The following HEATR3 variants were observed in gnomAD, a reference collection of about 807,000 sequenced individuals.
The protein encoded by HEATR3 is HEAT repeat-containing protein 3.
HEATR3 carries 56 observed loss-of-function variants against 72.8 expected under a neutral mutation model. The observed-to-expected ratio is 0.77, with a 90% confidence interval of 0.62 to 0.96. The LOEUF is 0.96. Ranked by LOEUF, HEATR3 falls within the 40% of genes least tolerant of loss-of-function variation. The probability of loss-of-function intolerance (pLI) is 0.00; values close to 1 mark genes in which losing one functional copy is unlikely to be tolerated. For synonymous variants in HEATR3, 331 were observed against 318.1 expected, an observed-to-expected ratio of 1.04 and a Z score of -0.43; for missense variants, 747 against 831.4, an observed-to-expected ratio of 0.90 and a Z score of 1.25.
intron 2 of HEATR3, among the ~76,000 whole-genome samples, chr16:50,067,523 A>G (rs2036524620): frequency 6.6e-6 from 1 of 151,806 alleles, no homozygotes; most frequent in Admixed American, 6.6e-5. Context: ...CAGAGAGGGT[A>G]GGTAGGTGGC....
chr16:50,068,910 C>G, intron 3 of HEATR3, 43 bp downstream of exon 3: 1 of 1,413,760 alleles, frequency 7.1e-7, no homozygotes, highest in Non-Finnish European at 9.9e-7. Flanking sequence ...TTTTGGGATG[C>G]AAACTTAGAC....
At chr16:50,081,544 A>G (rs2036867092) in intron 7 of HEATR3, among the ~76,000 whole-genome samples, 1 of 152,140 alleles carries the variant, frequency 6.6e-6, no homozygotes, top group Non-Finnish European at 1.5e-5. Flanking sequence ...AAAAGAAGAA[A>G]AGGAGAATAA....
intron 7 of HEATR3, among the ~76,000 whole-genome samples, chr16:50,080,658 A>G (rs916686120): frequency 7.9e-5 from 12 of 151,416 alleles, no homozygotes; most frequent in African/African-American, 2.9e-4. Flanking sequence ...TTATTTTATT[A>G]CTATTGGTTT....
chr16:50,073,991 G>A (rs2036668799), intron 5 of HEATR3: 1 of 152,138 alleles, frequency 6.6e-6, no homozygotes, highest in Admixed American at 6.6e-5. Flanking sequence ...CTGTATGGTA[G>A]CAGTCATGGC....
chr16:50,101,990 G>A (rs1331193761), intron 13 of HEATR3, among the ~76,000 whole-genome samples: 1 of 152,046 alleles, frequency 6.6e-6, no homozygotes, highest in South Asian at 2.1e-4. Context: ...TTTTGAGAGA[G>A]GTAGAGGGGA....
chr16:50,097,330 C>T (rs1306466547), intron 12 of HEATR3, among the ~76,000 whole-genome samples: 4 of 84,252 alleles, frequency 4.7e-5, no homozygotes, highest in African/African-American at 2.0e-4. Context: ...TTTTTTTTTA[C>T]ATTTATTAGC....
At position 50,102,526 on chromosome 16, in the gene HEATR3, T is replaced by C. The variant is rs1051013684; in HGVS notation, c.1920+91T>C. On this transcript the variant is annotated intron_variant, in intron 14 of 14. Transcript: ENST00000299192. ...GTTACCGCTGTGCAACTCAGAAGCA[T>C]GTGCATGACGAATCCCCATATGTAG... 1.1e-5 allele frequency: 13 copies of C among 1,143,038 alleles called. No individual in the cohort carries two copies. The African/African-American group carries it at 2.0e-4, about 18-fold the overall frequency. 70.8% of individuals were successfully genotyped at this position (1,143,038 alleles called of 1,614,324 possible).
At chr16:50,086,822 G>T (rs1306428663) in intron 11 of HEATR3, among the ~76,000 whole-genome samples, 1 of 151,996 alleles carries the variant, frequency 6.6e-6, no homozygotes, top group Non-Finnish European at 1.5e-5. Context: ...CCAGCTACTC[G>T]GGAGGCTGAG....
intron 6 of HEATR3, among the ~76,000 whole-genome samples, chr16:50,078,356 C>A (rs7203348): frequency 6.6e-6 from 1 of 152,050 alleles, no homozygotes; most frequent in South Asian, 2.1e-4. Flanking sequence ...GTCAGACCAA[C>A]CTTGGAATTT....
At chr16:50,072,162 A>G (rs1438131429) in intron 4 of HEATR3, among the ~76,000 whole-genome samples, 2 of 152,148 alleles carry the variant, frequency 1.3e-5, no homozygotes, top group East Asian at 1.9e-4. Context: ...ACTTGTTATC[A>G]TTGTGGTATG....
rs780919907 is a variant in HEATR3 at position 50,084,290 on chromosome 16, A to G, written c.1289A>G (p.Lys430Arg). 5.6e-6 allele frequency: 9 copies of G among 1,613,058 alleles called. No individual in the cohort carries two copies. Among genetic ancestry groups the G allele is most frequent in the Middle Eastern group, 1.6e-4 (1 of 6,082 alleles). Residue 430 changes from lysine (K) to arginine (R), a missense_variant and splice_region_variant, in exon 9 of 15, where the codon AAG becomes AGG. This residue lies in a region of HEATR3 where 586 missense variants were observed against 708.8 expected (regional missense o/e 0.83). Coordinates refer to ENST00000299192, the MANE Select transcript of HEATR3 (RefSeq NM_182922.4). The part of the protein sequence containing the change: ...TALTNYLIPK[K>R]IFEKTAFPNS... ...CTCACCAACTACCTCATCCCAAAGA[A>G]GGTAATCCATTTTCATTCTAGGCTT...
rs138435991 is a variant in HEATR3 at position 50,085,977 on chromosome 16, G to A, written c.1374-238G>A. On this transcript the variant is annotated intron_variant, in intron 10 of 14. Coordinates refer to ENST00000299192, the MANE Select transcript of HEATR3 (RefSeq NM_182922.4). ...CAGGAGGTTGAGGCTACAGCGAGCT[G>A]TGATCACACCACTGCACTCCAGCCT... Among the ~76,000 whole-genome samples the A allele has an allele frequency of 7.2e-4, 109 of 151,018 alleles. No individual in the cohort carries two copies. In the East Asian group the frequency reaches 0.021, roughly 29 times the overall value.
chr16:50,105,249 C>T lies in HEATR3; in HGVS notation c.*188C>T, dbSNP rs965570774. On this transcript the variant is annotated 3_prime_UTR_variant, in exon 15 of 15. Transcript: ENST00000299192. ...CTATAATCCCAGCACCTTGGGAGAC[C>T]GAGGCGGGTGGATCACTTGAGGTCA... 1.7e-5 allele frequency: 9 copies of T among 527,624 alleles called. No individual in the cohort carries two copies. Among genetic ancestry groups the T allele is most frequent in the Non-Finnish European group, 2.6e-5 (8 of 312,208 alleles). The allele number at this position is 527,624 out of a possible 1,614,324, so 32.7% of individuals were successfully genotyped here. A position where few individuals can be genotyped will look rare whatever the true frequency, so the allele number is the denominator to read the frequency against.
intron 14 of HEATR3, among the ~76,000 whole-genome samples, chr16:50,103,943 C>T (rs72796173): frequency 0.12 from 18,125 of 152,144 alleles, 1,112 homozygotes; most frequent in African/African-American, 0.15. Context: ...GCAGGAGGAT[C>T]GTGTGAGTGC....
chr16:50,078,192 G>A (rs1002067682), intron 6 of HEATR3, among the ~76,000 whole-genome samples: 7 of 151,972 alleles, frequency 4.6e-5, no homozygotes, highest in African/African-American at 1.4e-4. Context: ...AATGTAATCT[G>A]TTCAAGTCCC....
intron 10 of HEATR3, 25 bp from the exon 11 acceptor site, chr16:50,086,190 T>C (rs779715834): frequency 6.4e-7 from 1 of 1,559,702 alleles, no homozygotes; most frequent in South Asian, 1.2e-5. Flanking sequence ...GAGAATCAGA[T>C]GGCATTGTTT....
Position 50,100,366 on chromosome 16 carries a change from C to T in HEATR3, c.1736C>T (p.Thr579Ile). ...VLAKEDGTLE[T>I]LKNIGCFLLE... is the part of the protein sequence containing the mutation. ...GCCAAAGAAGATGGTACACTTGAAA[C>T]TCTTAAGGTAAAACAATTTGCTTCT... is the stretch of plus-strand genomic sequence containing the variant. Residue 579 changes from threonine to isoleucine, a missense_variant, in exon 13 of 15, where the codon ACT (threonine) becomes ATT (isoleucine). By Grantham distance (89) the Thr-to-Ile change is moderately conservative. This residue lies in a region of HEATR3 where 586 missense variants were observed against 708.8 expected (regional missense o/e 0.83). Coordinates refer to ENST00000299192, the MANE Select transcript of HEATR3 (RefSeq NM_182922.4). 2 of 1,613,790 alleles carry T rather than the reference C, an allele frequency of 1.2e-6. No individual in the cohort carries two copies. The highest frequency in any genetic ancestry group is 1.1e-5 in the South Asian group (1 of 91,048).
intron 7 of HEATR3, among the ~76,000 whole-genome samples, chr16:50,080,559 C>T (rs2036845042): frequency 6.6e-6 from 1 of 152,078 alleles, no homozygotes; most frequent in Admixed American, 6.6e-5. Flanking sequence ...AGGCTGGTCT[C>T]AAACTCCCGA....
chr16:50,078,675 T>G (rs2036793826), intron 6 of HEATR3, 66 bp from the exon 7 acceptor site: 29 of 1,499,570 alleles, frequency 1.9e-5, no homozygotes, highest in Non-Finnish European at 2.6e-5. Context: ...TCCAGTCTTG[T>G]GAAAACTTAA....
Sources: gnomAD v4.1 joint callset for allele counts (sites outside exome capture counted in the v4.1 genomes callset) on GRCh38, gnomAD v4.1.1 for gene constraint, gnomAD v4.1.1 regional missense constraint, MANE v1.5 for transcripts, NCBI Gene and HGNC (gene_info 2026-07-23, HGNC 2026-07-21) for gene names.